The following EHMT1 variants were observed in gnomAD, a reference collection of about 807,000 sequenced individuals.
EHMT1 encodes the protein histone-lysine N-methyltransferase EHMT1.
Under a neutral mutation model 147.2 loss-of-function variants are expected in EHMT1, and 15 were observed. The ratio of observed to expected loss-of-function variants is 0.10; its 90% CI spans 0.07 to 0.16. The LOEUF is 0.16. Among genes scored for constraint, EHMT1 ranks in the 10% least tolerant of loss-of-function variants. The pLI is 1.00. For missense variants in EHMT1, 1,587 were observed against 1,772.4 expected, an observed-to-expected ratio of 0.90 and a Z score of 1.88; for synonymous variants, 795 against 709.6, an observed-to-expected ratio of 1.12 and a Z score of -1.91.
intron 4 of EHMT1, among the ~76,000 whole-genome samples, chr9:137,742,392 ACCCT>A (rs1254274440): frequency 1.3e-5 from 2 of 149,764 alleles, no homozygotes; most frequent in Non-Finnish European, 3.0e-5. Context: ...AATGAAGCAA[ACCCT>A]CCCTCCCACT....
At chr9:137,628,020 G>T (rs1843379944) in intron 1 of EHMT1, among the ~76,000 whole-genome samples, 1 of 152,158 alleles carries the variant, frequency 6.6e-6, no homozygotes, top group Non-Finnish European at 1.5e-5. Flanking sequence ...ATTTTTGGTG[G>T]ACCTTTTTAT....
chr9:137,834,552 C>T, intron 26 of EHMT1, 28 bp downstream of exon 26: 4 of 1,608,206 alleles, frequency 2.5e-6, no homozygotes, highest in African/African-American at 1.3e-5. Context: ...CCCTGGCCAT[C>T]TCCGCTGCCG....
chr9:137,650,211 G>A (rs1022658222), intron 1 of EHMT1, among the ~76,000 whole-genome samples: 4 of 151,882 alleles, frequency 2.6e-5, no homozygotes, highest in South Asian at 2.1e-4. Flanking sequence ...TGATCCTCCC[G>A]CCTTAGCCTC....
chr9:137,643,539 G>A (rs1013955067), intron 1 of EHMT1, among the ~76,000 whole-genome samples: 5 of 151,832 alleles, frequency 3.3e-5, no homozygotes, highest in Non-Finnish European at 7.4e-5. Context: ...TAGTAGAGAC[G>A]GGGTTTCACC....
chr9:137,780,509 G>A (rs62589685), intron 14 of EHMT1, among the ~76,000 whole-genome samples: 17,645 of 100,436 alleles, frequency 0.18, 1,762 homozygotes, highest in Admixed American at 0.26. Flanking sequence ...GAGACGTGTG[G>A]TGATGACGCT....
chr9:137,800,992 C>T lies in EHMT1; in HGVS notation c.2712+8C>T, dbSNP rs760844879. 4.3e-6 allele frequency: 7 copies of T among 1,613,334 alleles called. No homozygotes were observed. Among genetic ancestry groups the T allele is most frequent in the African/African-American group, 2.7e-5 (2 of 74,894 alleles). On this transcript the variant is annotated splice_region_variant and intron_variant, in intron 18 of 26. Coordinates refer to ENST00000460843, the MANE Select transcript of EHMT1 (RefSeq NM_024757.5). Reference sequence around the variant, plus strand: ...ATCAACATCCGAGACAACGTAAGTTCGTCACACCCTCCCCGGGAGCCGTGT... The same window carrying T: ...ATCAACATCCGAGACAACGTAAGTTTGTCACACCCTCCCCGGGAGCCGTGT...
chr9:137,675,290 A>C (rs1285788628), intron 1 of EHMT1: 1 of 152,234 alleles, frequency 6.6e-6, no homozygotes, highest in Non-Finnish European at 1.5e-5. Context: ...TGGAATTAGA[A>C]AAATGAGTTG....
intron 1 of EHMT1, among the ~76,000 whole-genome samples, chr9:137,686,770 A>C (rs1403021187): frequency 7.2e-6 from 1 of 138,556 alleles, no homozygotes; most frequent in African/African-American, 2.8e-5. Context: ...TCGCTCTGTC[A>C]CCCAGGCTAG....
intron 3 of EHMT1, among the ~76,000 whole-genome samples, chr9:137,723,289 G>A (rs570165729): frequency 8.9e-6 from 1 of 112,174 alleles, no homozygotes; most frequent in South Asian, 3.8e-4. Context: ...GCCTGAGCCC[G>A]GGGTGTGTCT....
At chr9:137,811,419 C>T in intron 18 of EHMT1, 42 bp from the exon 19 acceptor site, 1 of 1,609,656 alleles carries the variant, frequency 6.2e-7, no homozygotes, top group Non-Finnish European at 8.5e-7. Context: ...CACTGTGAGC[C>T]AGCAGGAAGC....
chr9:137,651,981 A>G (rs987850941), intron 1 of EHMT1, among the ~76,000 whole-genome samples: 9 of 152,086 alleles, frequency 5.9e-5, no homozygotes, highest in East Asian at 1.9e-4. Context: ...ATAAACTCCT[A>G]TGTTACTGGT....
In EHMT1 at chr9:137,775,089, C is replaced by A. The variant is rs12341990; in HGVS notation, c.1648-20C>A. 1 of 1,613,996 alleles carries A rather than the reference C, an allele frequency of 6.2e-7. No individual in the cohort carries two copies. Among genetic ancestry groups the A allele is most frequent in the South Asian group, 1.1e-5 (1 of 91,080 alleles). On this transcript the variant is annotated intron_variant, in intron 10 of 26. Coordinates refer to ENST00000460843, the MANE Select transcript of EHMT1 (RefSeq NM_024757.5). This position sits in a 1 kb window ranked among gnomAD's most constrained non-coding sequence, Gnocchi z 6.1. ...CCTCTCGTGACTCTGACATTGACCA[C>A]CAGTCTTGTCTGATTGCAGTTGGGC...
At position 137,776,748 on chromosome 9, in the gene EHMT1, C is replaced by T. The variant is rs1588649675; in HGVS notation, c.1922C>T (p.Thr641Met). The T allele has an allele frequency of 1.2e-6, 2 of 1,614,058 alleles. No individual in the cohort carries two copies. Among genetic ancestry groups the T allele is most frequent in the African/African-American group, 1.3e-5 (1 of 75,012 alleles). The change falls in exon 12 of 27, where the codon ACG becomes ATG. Residue 641 changes from threonine to methionine, a missense_variant. Thr to Met is a moderately conservative substitution (Grantham distance 81, BLOSUM62 -1). This residue lies in a region of EHMT1 where 124 missense variants were observed against 197.8 expected (regional missense o/e 0.63). Coordinates refer to ENST00000460843, the MANE Select transcript of EHMT1 (RefSeq NM_024757.5). The surrounding 1 kb of genome is among the most constrained non-coding windows in gnomAD (Gnocchi z 4.4). Reference sequence around the variant, plus strand: ...GAGAGCTCCAAGGCCAAAGAGGTGACGATAGCTAAAGCAGACACCACCTCG... The same window carrying T: ...GAGAGCTCCAAGGCCAAAGAGGTGATGATAGCTAAAGCAGACACCACCTCG... ...GEESSKAKEVTIAKADTTSTV... is the reference protein window; with the variant it reads ...GEESSKAKEVMIAKADTTSTV...
At chr9:137,832,983 G>C (rs1456466087) in intron 25 of EHMT1, 1 of 152,342 alleles carries the variant, frequency 6.6e-6, no homozygotes, top group Non-Finnish European at 1.5e-5. Flanking sequence ...GGTAAACCAG[G>C]AGGCAGCTTC....
intron 1 of EHMT1, among the ~76,000 whole-genome samples, chr9:137,663,328 C>CT (rs1380872654): frequency 6.6e-6 from 1 of 152,028 alleles, no homozygotes; most frequent in African/African-American, 2.4e-5. Flanking sequence ...GGCCATATGG[C>CT]TGGTTAGGTG....
chr9:137,671,481 A>G (rs1940621967), intron 1 of EHMT1, among the ~76,000 whole-genome samples: 2 of 151,952 alleles, frequency 1.3e-5, no homozygotes, highest in Admixed American at 1.3e-4. Flanking sequence ...TGTCAAAACA[A>G]AGCGACCCAA....
At chr9:137,701,683 A>C (rs1564607300) in intron 1 of EHMT1, among the ~76,000 whole-genome samples, 1 of 142,002 alleles carries the variant, frequency 7.0e-6, no homozygotes, top group Non-Finnish European at 1.5e-5. Flanking sequence ...GCTGGAGTGC[A>C]ATGGTGTGAT....
intron 1 of EHMT1, among the ~76,000 whole-genome samples, chr9:137,647,677 C>T (rs1279809370): frequency 6.6e-6 from 1 of 151,446 alleles, no homozygotes; most frequent in Non-Finnish European, 1.5e-5. Context: ...TTACTGAAAC[C>T]TCCGCCTCCC....
At chr9:137,772,253 C>T (rs1006365475) in intron 10 of EHMT1, among the ~76,000 whole-genome samples, 5 of 152,050 alleles carry the variant, frequency 3.3e-5, no homozygotes, top group African/African-American at 7.2e-5. Flanking sequence ...ATGGCTTGAA[C>T]GAGAAGAGAA....
Sources: gnomAD v4.1 joint callset for allele counts (sites outside exome capture counted in the v4.1 genomes callset) on GRCh38, gnomAD v4.1.1 for gene constraint, gnomAD v4.1.1 regional missense constraint, Gnocchi (gnomAD v3.1) non-coding constraint, MANE v1.5 for transcripts, NCBI Gene and HGNC (gene_info 2026-07-23, HGNC 2026-07-21) for gene names.